Variants in FGF14 observed in about 807,000 individuals in gnomAD.
FGF14 encodes the protein fibroblast growth factor 14, also known as fibroblast growth factor homologous factor 4.
Under a neutral mutation model 25.5 loss-of-function variants are expected in FGF14, and 5 were observed. That is an observed-to-expected ratio of 0.20 (90% confidence interval 0.10 to 0.41). The LOEUF is 0.41. FGF14 is among the 10% of genes least tolerant of loss of function. The pLI, the probability that FGF14 is intolerant of heterozygous loss-of-function variation, is 1.00. For missense variants in FGF14, 222 were observed against 320.1 expected, an observed-to-expected ratio of 0.69 and a Z score of 2.34; for synonymous variants, 138 against 118.3, an observed-to-expected ratio of 1.17 and a Z score of -1.08.
chr13:102,379,588 A>C (rs2058133146), intron 1 of FGF14, among the ~76,000 whole-genome samples: 1 of 152,014 alleles, frequency 6.6e-6, no homozygotes, highest in Admixed American at 6.6e-5. Flanking sequence ...GAGATAGTTC[A>C]GTGGTCAAAC....
chr13:101,914,518 A>G (rs2033277471), intron 1 of FGF14, among the ~76,000 whole-genome samples: 1 of 152,186 alleles, frequency 6.6e-6, no homozygotes, highest in African/African-American at 2.4e-5. Context: ...AAGATTGCTT[A>G]TCATTTCAAA....
intron 3 of FGF14, among the ~76,000 whole-genome samples, chr13:101,736,713 T>TGCTA (rs2036212319): frequency 6.6e-6 from 1 of 152,136 alleles, no homozygotes; most frequent in African/African-American, 2.4e-5. Context: ...GCAACCAGTA[T>TGCTA]GCTAAAGGCT....
chr13:101,911,879 A>G (rs2032973641), intron 1 of FGF14, among the ~76,000 whole-genome samples: 1 of 152,194 alleles, frequency 6.6e-6, no homozygotes, highest in Non-Finnish European at 1.5e-5. Flanking sequence ...TCCAAAAAAT[A>G]AAAAGTGCTT....
intron 1 of FGF14, among the ~76,000 whole-genome samples, chr13:102,194,707 C>G (rs2049274112): frequency 6.6e-6 from 1 of 151,936 alleles, no homozygotes. Flanking sequence ...AAACAGTAAC[C>G]AAATTTTCAA....
chr13:101,981,819 G>A (rs572919833), intron 1 of FGF14, among the ~76,000 whole-genome samples: 1 of 152,308 alleles, frequency 6.6e-6, no homozygotes, highest in East Asian at 1.9e-4. Flanking sequence ...TGAAACAGAA[G>A]CTGAGAAAGG....
At chr13:102,019,643 T>C (rs1333571637) in intron 1 of FGF14, among the ~76,000 whole-genome samples, 1 of 152,156 alleles carries the variant, frequency 6.6e-6, no homozygotes. Flanking sequence ...GCATACTGAT[T>C]AAATGTTTCT....
chr13:101,829,972 T>C (rs75468852), intron 3 of FGF14, among the ~76,000 whole-genome samples: 3,226 of 152,190 alleles, frequency 0.021, 49 homozygotes, highest in Middle Eastern at 0.068. Flanking sequence ...GTCCTTTTCA[T>C]TGTGGCACAG....
At chr13:101,818,218 G>T (rs995436199) in intron 3 of FGF14, among the ~76,000 whole-genome samples, 9 of 152,110 alleles carry the variant, frequency 5.9e-5, no homozygotes, top group Non-Finnish European at 2.9e-5. Flanking sequence ...ATTCATTTTT[G>T]CTTCTCTTGT....
intron 1 of FGF14, among the ~76,000 whole-genome samples, chr13:102,241,029 G>A (rs2051571446): frequency 6.6e-6 from 1 of 152,080 alleles, no homozygotes; most frequent in African/African-American, 2.4e-5. Context: ...ATATGCAAAT[G>A]TCAAATTAAC....
intron 3 of FGF14, among the ~76,000 whole-genome samples, chr13:101,850,862 A>G (rs1274376187): frequency 1.3e-5 from 2 of 151,548 alleles, no homozygotes; most frequent in Admixed American, 1.3e-4. Flanking sequence ...TCTAACCAAA[A>G]CAGTTTCATT....
intron 1 of FGF14, among the ~76,000 whole-genome samples, chr13:101,902,747 T>C (rs1049425373): frequency 5.9e-5 from 9 of 152,208 alleles, no homozygotes; most frequent in Admixed American, 5.9e-4. Context: ...AGGGATGTCT[T>C]TCCTGCTCAA....
At chr13:101,959,090 C>T (rs2036683013) in intron 1 of FGF14, among the ~76,000 whole-genome samples, 1 of 152,178 alleles carries the variant, frequency 6.6e-6, no homozygotes, top group Non-Finnish European at 1.5e-5. Flanking sequence ...TGTTTCACTG[C>T]AGATCATCAG....
At chr13:102,120,844 T>C (rs945286245) in intron 1 of FGF14, among the ~76,000 whole-genome samples, 6 of 151,842 alleles carry the variant, frequency 4.0e-5, no homozygotes, top group Non-Finnish European at 5.9e-5. Context: ...GCTGGGATTA[T>C]AGGCGCCTGC....
At chr13:101,923,320 C>A (rs1478624086) in intron 1 of FGF14, among the ~76,000 whole-genome samples, 2 of 151,942 alleles carry the variant, frequency 1.3e-5, no homozygotes, top group East Asian at 3.9e-4. Flanking sequence ...TTATTATAAA[C>A]CAATTTGGGG....
intron 1 of FGF14, among the ~76,000 whole-genome samples, chr13:102,010,649 G>A (rs2040030563): frequency 6.6e-6 from 1 of 152,106 alleles, no homozygotes; most frequent in South Asian, 2.1e-4. Flanking sequence ...TCCAAAACCT[G>A]GCTTCATCAC....
chr13:102,368,595 A>G (rs1411145012), intron 1 of FGF14, among the ~76,000 whole-genome samples: 2 of 152,186 alleles, frequency 1.3e-5, no homozygotes, highest in East Asian at 1.9e-4. Context: ...TCCTGTGAAA[A>G]TATCACATTG....
At chr13:102,336,020 C>T (rs1378474695) in intron 1 of FGF14, among the ~76,000 whole-genome samples, 1 of 152,112 alleles carries the variant, frequency 6.6e-6, no homozygotes, top group African/African-American at 2.4e-5. Flanking sequence ...CCTCTCTATT[C>T]CCTGAAACAC....
In FGF14 at chr13:101,897,695, TA is replaced by T. The variant is rs553014922; in HGVS notation, c.193+18757del. On this transcript the variant is annotated intron_variant, in intron 1 of 4. Transcript: ENST00000376143. ...CTACAACTTTGTTGCTGCCAGGAAA[TA>T]AACTTGGAAAGTGAAAGAATAACCC... 7.9e-5 allele frequency among the ~76,000 whole-genome samples: 12 copies of T among 152,258 alleles called. No homozygotes were observed. The South Asian group carries it at 2.3e-3, about 29-fold the overall frequency.
intron 1 of FGF14, among the ~76,000 whole-genome samples, chr13:102,023,043 GACACACACACACACACACACAC>G (rs59221538): frequency 4.1e-4 from 60 of 146,302 alleles, no homozygotes; most frequent in Admixed American, 1.2e-3. Context: ...AATATTTTCG[GACACACACACACACACACACAC>G]ACACACACAC....
Sources: allele counts gnomAD v4.1 joint callset (sites outside exome capture counted in the v4.1 genomes callset), GRCh38; gene constraint gnomAD v4.1.1; transcripts MANE v1.5; gene names NCBI Gene and HGNC (gene_info 2026-07-23, HGNC 2026-07-21).